Variants in TRRAP observed in about 807,000 individuals in gnomAD.
TRRAP encodes transformation/transcription domain-associated protein.
Under a neutral mutation model 438.8 loss-of-function variants are expected in TRRAP, and 41 were observed. That is an observed-to-expected ratio of 0.09 (90% CI 0.07 to 0.12). The LOEUF (loss-of-function observed/expected upper bound fraction) is 0.12. Among genes scored for constraint, TRRAP ranks in the 10% least tolerant of loss-of-function variants. The probability of loss-of-function intolerance (pLI) is 1.00; values close to 1 mark genes in which losing one functional copy is unlikely to be tolerated. For synonymous variants in TRRAP, 1,994 were observed against 1,962.9 expected (o/e 1.02, Z -0.42); for missense variants, 3,122 against 5,055.1 (o/e 0.62, Z 11.60).
At position 98,908,686 on chromosome 7, in the gene TRRAP, G is replaced by C; in HGVS notation, c.1116-42G>C. ...CTTGGTGGCCTGCTGCAGCAGGCAT[G>C]GCCACGTGGGAATGAGCACTAGTCG... On this transcript the variant is annotated intron_variant, in intron 13 of 72. Coordinates refer to ENST00000456197, the MANE Select transcript of TRRAP (RefSeq NM_001375524.1). This position sits in a 1 kb window ranked among gnomAD's most constrained non-coding sequence, Gnocchi z 4.1. 1.3e-6 allele frequency: 2 copies of C among 1,523,220 alleles called. No homozygotes were observed. The highest frequency in any genetic ancestry group is 1.8e-6 in the Non-Finnish European group (2 of 1,133,296). 94.4% of individuals were successfully genotyped at this position (1,523,220 alleles called of 1,614,324 possible).
intron 51 of TRRAP, among the ~76,000 whole-genome samples, chr7:98,968,689 A>T (rs2116697707): frequency 6.6e-6 from 1 of 152,290 alleles, no homozygotes; most frequent in East Asian, 1.9e-4. Flanking sequence ...GCTGGGACAG[A>T]AGGTGGATTA....
chr7:98,878,971 C>T (rs1014377709), intron 1 of TRRAP, among the ~76,000 whole-genome samples: 1 of 152,088 alleles, frequency 6.6e-6, no homozygotes, highest in Admixed American at 6.5e-5. Context: ...GCTGAGAGGT[C>T]GGGTGGGACG....
At chr7:99,000,794 A>C (rs531966440) in intron 67 of TRRAP, among the ~76,000 whole-genome samples, 2 of 152,334 alleles carry the variant, frequency 1.3e-5, no homozygotes, top group South Asian at 4.1e-4. Context: ...GGTCGTGGCC[A>C]GGCTGGGCTG....
rs972958316 is a variant in TRRAP, at chr7:98,937,232, C to T, written c.4188C>T (p.Ser1396=). ...IIAALFKALN[S]TNSELQEAGE... is the part of the protein sequence containing the mutation. ...CTGCACTCTTCAAAGCCCTGAATTC[C>T]ACCAATAGTGAGCTCCAAGAGGCCG... is the stretch of plus-strand genomic sequence containing the variant. Residue 1396 remains serine (S), a synonymous_variant, in exon 29 of 73, where the codon TCC becomes TCT. Coordinates refer to ENST00000456197, the MANE Select transcript of TRRAP (RefSeq NM_001375524.1). 1.2e-5 allele frequency: 19 copies of T among 1,613,530 alleles called. No homozygotes were observed. The highest frequency in any genetic ancestry group is 4.0e-5 in the African/African-American group (3 of 74,906).
Position 98,958,105 on chromosome 7 carries a change from G to C in TRRAP, c.6342+14G>C. 1.9e-6 allele frequency: 3 copies of C among 1,611,502 alleles called. No individual in the cohort carries two copies. The highest frequency in any genetic ancestry group is 2.5e-6 in the Non-Finnish European group (3 of 1,178,312). ...GTGGCCTGTCAGGTACGGGATCCAAGTGCCCTGCGTTAGGGCTTCTGCAGA... is the reference window on the plus strand; with the variant it reads ...GTGGCCTGTCAGGTACGGGATCCAACTGCCCTGCGTTAGGGCTTCTGCAGA... On this transcript the variant is annotated intron_variant, in intron 44 of 72. Coordinates refer to ENST00000456197, the MANE Select transcript of TRRAP (RefSeq NM_001375524.1).
chr7:98,928,305 A>G (rs1410896284), intron 23 of TRRAP, among the ~76,000 whole-genome samples: 1 of 152,116 alleles, frequency 6.6e-6, no homozygotes, highest in Non-Finnish European at 1.5e-5. Flanking sequence ...CTGAAAACCT[A>G]CTGTCAATTT....
chr7:98,893,704 G>A, intron 5 of TRRAP, 94 bp from the exon 6 acceptor site: 3 of 1,095,900 alleles, frequency 2.7e-6, no homozygotes, highest in Non-Finnish European at 4.1e-6. Flanking sequence ...CCAATAGTTG[G>A]TTGATGGAAA....
chr7:98,950,137 A>G lies in TRRAP; in HGVS notation c.5209A>G (p.Thr1737Ala). ...AFTGRFLCNM[T>A]FLKEYMEEEI... The stretch of plus-strand genomic sequence containing the variant: ...TACTGGTCGTTTTCTCTGCAACATG[A>G]CATTCTTAAAAGAGTATATGGAGGA... The change falls in exon 38 of 73, where the codon ACA becomes GCA. Residue 1737 changes from threonine to alanine, a missense_variant. Physicochemically the swap from Thr to Ala is moderately conservative, Grantham distance 58. This residue lies in a region of TRRAP where 272 missense variants were observed against 348.5 expected (regional missense o/e 0.78). Coordinates refer to ENST00000456197, the MANE Select transcript of TRRAP (RefSeq NM_001375524.1). 1 of 1,614,236 alleles carries G rather than the reference A, an allele frequency of 6.2e-7. No homozygotes were observed. Among genetic ancestry groups the G allele is most frequent in the Non-Finnish European group, 8.5e-7 (1 of 1,180,036 alleles).
At chr7:98,882,809 G>A (rs1795515409) in intron 3 of TRRAP, among the ~76,000 whole-genome samples, 1 of 149,874 alleles carries the variant, frequency 6.7e-6, no homozygotes, top group East Asian at 2.0e-4. Flanking sequence ...TTACAGGTGT[G>A]CACCACACCC....
chr7:98,966,008 C>T, intron 49 of TRRAP, 113 bp downstream of exon 49: 1 of 1,186,908 alleles, frequency 8.4e-7, no homozygotes, highest in African/African-American at 1.5e-5. Context: ...GCTGTAATTG[C>T]ACTCACAGCA....
intron 52 of TRRAP, among the ~76,000 whole-genome samples, chr7:98,970,786 CAG>C (rs753919557): frequency 9.8e-5 from 15 of 152,308 alleles, no homozygotes; most frequent in Non-Finnish European, 1.3e-4. Context: ...GCCTGCCACA[CAG>C]GGGCTGGGGC....
Position 98,930,785 on chromosome 7 carries a change from A to C in TRRAP, c.3546A>C (p.Thr1182=), listed in dbSNP as rs572950980. 2 of 1,614,252 alleles carry C rather than the reference A, an allele frequency of 1.2e-6. No homozygotes were observed. The highest frequency in any genetic ancestry group is 2.2e-5 in the East Asian group (1 of 44,888). The change falls in exon 25 of 73, where the codon ACA becomes ACC. Residue 1182 remains threonine, a synonymous_variant. Transcript: ENST00000456197. ...CTTGGGTTCTCCAGAACCAGCAGACATTCCTGAAAGCACTTCTCTTTGTCA... is the reference window on the plus strand; with the variant it reads ...CTTGGGTTCTCCAGAACCAGCAGACCTTCCTGAAAGCACTTCTCTTTGTCA... ...PLTWVLQNQQ[T]FLKALLFVMM...
rs941900395 is a variant in TRRAP, at chr7:99,003,293, G to C, written c.10310-897G>C. Among the ~76,000 whole-genome samples, 3 of 152,238 alleles carry C rather than the reference G, an allele frequency of 2.0e-5. 1 individual carries two copies. The highest frequency in any genetic ancestry group is 2.0e-4 in the Admixed American group (3 of 15,290). ...AACCAGGGATTTTTGAATTGCTTCA[G>C]TGAAAAATGTTTTTGGCTTTTGCCA... On this transcript the variant is annotated intron_variant, in intron 67 of 72. Transcript: ENST00000456197.
intron 1 of TRRAP, among the ~76,000 whole-genome samples, chr7:98,879,156 G>A (rs1795305129): frequency 6.6e-6 from 1 of 152,194 alleles, no homozygotes; most frequent in African/African-American, 2.4e-5. Flanking sequence ...TGGGGGCGGC[G>A]GGGCAGTTTG....
intron 6 of TRRAP, among the ~76,000 whole-genome samples, chr7:98,894,425 A>G (rs368733582): frequency 1.3e-5 from 2 of 152,222 alleles, no homozygotes; most frequent in East Asian, 3.8e-4. Context: ...TTCTCTGGTG[A>G]TAACCTAAAT....
intron 20 of TRRAP, among the ~76,000 whole-genome samples, chr7:98,920,986 T>C (rs1789765111): frequency 6.6e-6 from 1 of 152,156 alleles, no homozygotes; most frequent in Non-Finnish European, 1.5e-5. Context: ...ATTACAGGCA[T>C]GTGCCACCAC....
At chr7:98,893,739 AAATT>A in intron 5 of TRRAP, 55 bp from the exon 6 acceptor site, 1 of 1,490,260 alleles carries the variant, frequency 6.7e-7, no homozygotes, top group Non-Finnish European at 9.3e-7. Flanking sequence ...ACTGCTGAGA[AAATT>A]AGCCTTTAAA....
chr7:98,950,328 G>A (rs1554417953), intron 38 of TRRAP, 66 bp downstream of exon 38: 3 of 1,563,974 alleles, frequency 1.9e-6, no homozygotes, highest in South Asian at 2.3e-5. Context: ...GGAACTTTGG[G>A]CCCTTTTCTT....
chr7:99,011,441 A>T lies in TRRAP; in HGVS notation c.11243A>T (p.Asn3748Ile). Residue 3748 changes from asparagine to isoleucine, a missense_variant, in exon 72 of 73, where the codon AAC becomes ATC. By Grantham distance (149) the Asn-to-Ile change is moderately radical. Coordinates refer to ENST00000456197, the MANE Select transcript of TRRAP (RefSeq NM_001375524.1). The surrounding 1 kb of genome is among the most constrained non-coding windows in gnomAD (Gnocchi z 7.1). ...NRPVPFRLTP[N>I]ISEFLTTIGV... ...CCTGTCCCATTTCGACTCACGCCCAACATTTCTGAGTTTCTGACCACCATC... is the reference window on the plus strand; with the variant it reads ...CCTGTCCCATTTCGACTCACGCCCATCATTTCTGAGTTTCTGACCACCATC... 1 of 1,614,238 alleles carries T rather than the reference A, an allele frequency of 6.2e-7. No homozygotes were observed. Among genetic ancestry groups the T allele is most frequent in the Non-Finnish European group, 8.5e-7 (1 of 1,180,042 alleles).
Sources: gnomAD v4.1 joint callset for allele counts (sites outside exome capture counted in the v4.1 genomes callset) on GRCh38, gnomAD v4.1.1 for gene constraint, gnomAD v4.1.1 regional missense constraint, Gnocchi (gnomAD v3.1) non-coding constraint, MANE v1.5 for transcripts, NCBI Gene and HGNC (gene_info 2026-07-23, HGNC 2026-07-21) for gene names.